ERC1: variants seen among roughly 807,000 people sequenced by gnomAD.
ERC1 encodes the protein RAB6 interacting protein 2.
A neutral mutation model predicts 132.0 loss-of-function variants in ERC1; 56 were observed. The ratio of observed to expected loss-of-function variants is 0.42; its 90% CI spans 0.34 to 0.53. The LOEUF is 0.53. ERC1 is among the 20% of genes least tolerant of loss of function. ERC1 has a pLI of 0.03. For missense variants in ERC1, 1,202 were observed against 1,349.9 expected, an observed-to-expected ratio of 0.89 and a Z score of 1.72; for synonymous variants, 478 against 476.1, an observed-to-expected ratio of 1.00 and a Z score of -0.05.
At chr12:1,008,348 A>T (rs990211075) in intron 1 of ERC1, among the ~76,000 whole-genome samples, 2 of 152,256 alleles carry the variant, frequency 1.3e-5, no homozygotes, top group Non-Finnish European at 2.9e-5. Flanking sequence ...GAGTAAAAAG[A>T]AACAATTGGA....
At chr12:1,331,572 G>C (rs2082863657) in intron 15 of ERC1, among the ~76,000 whole-genome samples, 1 of 152,142 alleles carries the variant, frequency 6.6e-6, no homozygotes, top group African/African-American at 2.4e-5. Flanking sequence ...CCTTGGTTCT[G>C]TTTCTGTTCT....
At chr12:1,371,609 AG>A in intron 15 of ERC1, among the ~76,000 whole-genome samples, 1 of 136,862 alleles carries the variant, frequency 7.3e-6, no homozygotes, top group African/African-American at 2.9e-5. Flanking sequence ...AATTGTTGGA[AG>A]GGGTGAATGA....
chr12:1,340,483 G>A (rs1227711133), intron 15 of ERC1, among the ~76,000 whole-genome samples: 2 of 152,112 alleles, frequency 1.3e-5, no homozygotes, highest in Non-Finnish European at 2.9e-5. Context: ...TGGTAGATGA[G>A]GGGTCATCTT....
At chr12:1,451,963 A>G (rs2093434468) in intron 18 of ERC1, among the ~76,000 whole-genome samples, 1 of 152,196 alleles carries the variant, frequency 6.6e-6, no homozygotes, top group African/African-American at 2.4e-5. Context: ...AAAATACCAC[A>G]TAAGGGCAAA....
chr12:1,413,620 A>G (rs1375022734), intron 17 of ERC1, among the ~76,000 whole-genome samples: 1 of 152,196 alleles, frequency 6.6e-6, no homozygotes, highest in East Asian at 1.9e-4. Flanking sequence ...AAAAAAAAGA[A>G]AAAGAAATTG....
intron 2 of ERC1, among the ~76,000 whole-genome samples, chr12:1,078,211 C>T (rs569990993): frequency 1.6e-4 from 25 of 152,278 alleles, no homozygotes; most frequent in African/African-American, 5.3e-4. Context: ...AAATCAGCTT[C>T]CCTGTTGAAT....
chr12:1,244,265 ATAG>A (rs2076017239), intron 13 of ERC1, among the ~76,000 whole-genome samples: 1 of 152,214 alleles, frequency 6.6e-6, no homozygotes, highest in Non-Finnish European at 1.5e-5. Context: ...GTGTCATAGA[ATAG>A]TAGAATAGCA....
At chr12:1,197,200 C>T (rs972452882) in intron 12 of ERC1, among the ~76,000 whole-genome samples, 14 of 151,244 alleles carry the variant, frequency 9.3e-5, no homozygotes, top group South Asian at 4.2e-4. Context: ...AGGATGGTCT[C>T]GAACTCCTGG....
At chr12:1,232,035 A>G (rs1036306029) in intron 12 of ERC1, among the ~76,000 whole-genome samples, 4 of 151,776 alleles carry the variant, frequency 2.6e-5, no homozygotes, top group Non-Finnish European at 5.9e-5. Flanking sequence ...CACTGTGCCC[A>G]GCAACAACTT....
At chr12:1,057,177 G>C (rs1257893064) in intron 2 of ERC1, among the ~76,000 whole-genome samples, 1 of 151,996 alleles carries the variant, frequency 6.6e-6, no homozygotes, top group African/African-American at 2.4e-5. Flanking sequence ...CTCTCACTTT[G>C]TCAGCGCGAT....
chr12:996,598 TAAAA>T (rs1277134554), intron 1 of ERC1, among the ~76,000 whole-genome samples: 1 of 151,826 alleles, frequency 6.6e-6, no homozygotes, highest in Non-Finnish European at 1.5e-5. Flanking sequence ...ATCTGTAAAT[TAAAA>T]AAAATCATTC....
chr12:1,091,388 G>T (rs1302931601), intron 3 of ERC1, among the ~76,000 whole-genome samples: 1 of 151,730 alleles, frequency 6.6e-6, no homozygotes, highest in Non-Finnish European at 1.5e-5. Flanking sequence ...AGCCAGCTTT[G>T]CCAAGTAAAA....
At chr12:1,357,190 A>G (rs886238969) in intron 15 of ERC1, among the ~76,000 whole-genome samples, 72 of 152,270 alleles carry the variant, frequency 4.7e-4, no homozygotes, top group African/African-American at 1.6e-3. Context: ...AACGCTGGCT[A>G]TTTTATGAGA....
At chr12:1,047,306 A>G (rs1971230773) in intron 2 of ERC1, among the ~76,000 whole-genome samples, 1 of 152,210 alleles carries the variant, frequency 6.6e-6, no homozygotes, top group Non-Finnish European at 1.5e-5. Context: ...TAATTTAAAA[A>G]TAAAACATTT....
intron 18 of ERC1, among the ~76,000 whole-genome samples, chr12:1,463,697 CTGTGTG>C (rs57210462): frequency 1.0e-3 from 139 of 136,126 alleles, no homozygotes; most frequent in African/African-American, 3.2e-3. Flanking sequence ...GGTGCTAAGA[CTGTGTG>C]TGTGTGTGTG....
At chr12:1,450,552 C>T (rs1349587753) in intron 18 of ERC1, among the ~76,000 whole-genome samples, 2 of 152,210 alleles carry the variant, frequency 1.3e-5, no homozygotes, top group South Asian at 2.1e-4. Context: ...CATTGATGAA[C>T]ACTCGGGTTG....
chr12:1,043,334 C>T (rs747864548), intron 2 of ERC1, among the ~76,000 whole-genome samples: 7 of 152,210 alleles, frequency 4.6e-5, no homozygotes, highest in African/African-American at 1.4e-4. Flanking sequence ...TGAGCCACTG[C>T]GCCCGGCCTG....
chr12:1,370,580 G>A (rs747519790), intron 15 of ERC1, among the ~76,000 whole-genome samples: 32 of 152,124 alleles, frequency 2.1e-4, no homozygotes, highest in Non-Finnish European at 4.3e-4. Flanking sequence ...TAAATTAAAT[G>A]GATAAAGTAT....
intron 14 of ERC1, among the ~76,000 whole-genome samples, chr12:1,282,160 A>G (rs2078723585): frequency 1.3e-5 from 2 of 152,108 alleles, no homozygotes; most frequent in African/African-American, 4.8e-5. Context: ...ATGAGATACC[A>G]TTGTGGGTGA....
Sources: allele counts gnomAD v4.1 joint callset (sites outside exome capture counted in the v4.1 genomes callset), GRCh38; gene constraint gnomAD v4.1.1; transcripts MANE v1.5; gene names NCBI Gene and HGNC (gene_info 2026-07-23, HGNC 2026-07-21).